The following RALGPS2 variants were observed in gnomAD, a reference collection of about 807,000 sequenced individuals.
The protein encoded by RALGPS2 is ras-specific guanine nucleotide-releasing factor RalGPS2.
A neutral mutation model predicts 86.8 loss-of-function variants in RALGPS2; 43 were observed. The observed-to-expected ratio is 0.50, with a 90% CI of 0.39 to 0.64. RALGPS2 has a LOEUF of 0.64. RALGPS2 is among the 30% of genes least tolerant of loss of function. The pLI is 0.00. For synonymous variants in RALGPS2, 243 were observed against 231.3 expected (o/e 1.05, Z -0.46); for missense variants, 536 against 694.6 (o/e 0.77, Z 2.57).
chr1:178,840,274 A>G (rs144689390), intron 8 of RALGPS2, among the ~76,000 whole-genome samples: 36 of 152,368 alleles, frequency 2.4e-4, no homozygotes, highest in African/African-American at 8.2e-4. Flanking sequence ...CAGCAAATGT[A>G]AAAGAACATA....
chr1:178,745,211 A>C (rs1364603097), intron 1 of RALGPS2, among the ~76,000 whole-genome samples: 1 of 152,186 alleles, frequency 6.6e-6, no homozygotes, highest in Non-Finnish European at 1.5e-5. Context: ...ATGTGATTCC[A>C]GTCAAAATGC....
chr1:178,791,665 T>C (rs907466132), intron 4 of RALGPS2, among the ~76,000 whole-genome samples: 2 of 152,206 alleles, frequency 1.3e-5, no homozygotes, highest in Non-Finnish European at 2.9e-5. Flanking sequence ...ACTCCTGATT[T>C]AATTTCCTAA....
At position 178,817,033 on chromosome 1, in the gene RALGPS2, G is replaced by A. The variant is rs116241112; in HGVS notation, c.388-4579G>A. Among the ~76,000 whole-genome samples the A allele has an allele frequency of 6.1e-3, 919 of 151,888 alleles. 9 individuals carry two copies. The highest frequency in any genetic ancestry group is 0.021 in the African/African-American group (878 of 41,406). ...AAATTAATTTTTGTGTCTGGTGGAA[G>A]GTGTAGGAGTTAAGGTTCATTTTTT... On this transcript the variant is annotated intron_variant, in intron 6 of 19. Transcript: ENST00000367635.
chr1:178,802,895 C>T (rs546338331), intron 4 of RALGPS2, among the ~76,000 whole-genome samples: 1 of 152,160 alleles, frequency 6.6e-6, no homozygotes, highest in South Asian at 2.1e-4. Flanking sequence ...TTTTTCGATA[C>T]TCCAAGCCAT....
chr1:178,731,325 C>T (rs1250323606), intron 1 of RALGPS2, among the ~76,000 whole-genome samples: 1 of 130,224 alleles, frequency 7.7e-6, no homozygotes, highest in Non-Finnish European at 1.6e-5. Flanking sequence ...CTCTGTCCCC[C>T]AGGCTGGAGA....
intron 7 of RALGPS2, among the ~76,000 whole-genome samples, chr1:178,824,818 G>GA (rs958245356): frequency 1.3e-4 from 16 of 124,232 alleles, no homozygotes; most frequent in South Asian, 5.0e-4. Flanking sequence ...CAAAAAAAAA[G>GA]AAAAAAAAAG....
Position 178,892,254 on chromosome 1 carries a change from C to T in RALGPS2, c.1272C>T (p.Gly424=), listed in dbSNP as rs1659744662. 1 of 1,612,636 alleles carries T rather than the reference C, an allele frequency of 6.2e-7. No individual in the cohort carries two copies. The highest frequency in any genetic ancestry group is 8.5e-7 in the Non-Finnish European group (1 of 1,179,048). The change falls in exon 15 of 20, where the codon GGC becomes GGT. Residue 424 remains glycine, a synonymous_variant. Transcript: ENST00000367635. ...GGAACAGATTATACCATTCTCTCGG[C>T]CCGGTGACAAGAGTGGCACGAAATG... ...FERNRLYHSL[G]PVTRVARNGY... is the part of the protein sequence containing the mutation.
intron 1 of RALGPS2, among the ~76,000 whole-genome samples, chr1:178,735,601 CTTTT>C (rs1299543356): frequency 2.4e-5 from 1 of 41,376 alleles, no homozygotes. Flanking sequence ...TTTTTGTATT[CTTTT>C]TTTTTTTTTT....
At chr1:178,776,568 A>G (rs1653095809) in intron 1 of RALGPS2, 114 bp from the exon 2 acceptor site, 1 of 442,668 alleles carries the variant, frequency 2.3e-6, no homozygotes. Flanking sequence ...AGCTAAGATA[A>G]TAAATAGAGT....
At chr1:178,761,389 A>G (rs570345343) in intron 1 of RALGPS2, among the ~76,000 whole-genome samples, 206 of 151,484 alleles carry the variant, frequency 1.4e-3, no homozygotes, top group Non-Finnish European at 1.3e-3. Context: ...AGATCGAGCC[A>G]CTGCATTCCA....
chr1:178,774,131 T>G (rs1222665783), intron 1 of RALGPS2, among the ~76,000 whole-genome samples: 1 of 151,862 alleles, frequency 6.6e-6, no homozygotes, highest in African/African-American at 2.4e-5. Context: ...CAAAATTAGC[T>G]GGGTGTGGTG....
At chr1:178,881,493 A>G (rs915543285) in intron 10 of RALGPS2, among the ~76,000 whole-genome samples, 2 of 152,170 alleles carry the variant, frequency 1.3e-5, no homozygotes, top group African/African-American at 2.4e-5. Flanking sequence ...TCTGTTTCCC[A>G]GTTTGGAGGG....
At chr1:178,782,786 G>A (rs1462451011) in intron 2 of RALGPS2, among the ~76,000 whole-genome samples, 1 of 151,870 alleles carries the variant, frequency 6.6e-6, no homozygotes, top group Non-Finnish European at 1.5e-5. Context: ...AGACAACAGA[G>A]GATAAAAAAA....
In RALGPS2 at chr1:178,889,676, C is replaced by T. The variant is rs1383919735; in HGVS notation, c.1227C>T (p.Thr409=). 4 of 1,606,486 alleles carry T rather than the reference C, an allele frequency of 2.5e-6. No homozygotes were observed. The highest frequency in any genetic ancestry group is 1.3e-5 in the African/African-American group (1 of 74,496). The change falls in exon 14 of 20, where the codon ACC becomes ACT. Residue 409 remains threonine, a synonymous_variant. Transcript: ENST00000367635. The stretch of plus-strand genomic sequence containing the variant: ...ATGGTTCTGAACTAAGTGAAGAGAC[C>T]TCATGGCCTGCTTTTGAAAGGTAAG... ...SSDGSELSEE[T]SWPAFERNRL...
At chr1:178,725,591 TG>T (rs1489527169) in intron 1 of RALGPS2, 172 bp downstream of exon 1, 3 of 151,398 alleles carry the variant, frequency 2.0e-5, no homozygotes, top group African/African-American at 7.3e-5. Flanking sequence ...GCTGCGGAGC[TG>T]GGGCTGAGGC....
intron 1 of RALGPS2, among the ~76,000 whole-genome samples, chr1:178,745,791 A>G (rs1651281021): frequency 6.6e-6 from 1 of 151,896 alleles, no homozygotes; most frequent in Non-Finnish European, 1.5e-5. Context: ...TCAAATTGAA[A>G]ATGTGCTATT....
intron 12 of RALGPS2, 120 bp downstream of exon 12, chr1:178,885,331 G>T: frequency 1.0e-6 from 1 of 963,070 alleles, no homozygotes; most frequent in South Asian, 2.3e-5. Flanking sequence ...CTTAATAGCT[G>T]TTTTCTGATT....
At chr1:178,871,092 A>AT in intron 8 of RALGPS2, 1 of 152,220 alleles carries the variant, frequency 6.6e-6, no homozygotes, top group Admixed American at 6.6e-5. Flanking sequence ...CTGAATAGTG[A>AT]TTCCCTCTTT....
intron 4 of RALGPS2, among the ~76,000 whole-genome samples, chr1:178,800,772 A>G (rs748315462): frequency 2.4e-4 from 36 of 152,204 alleles, no homozygotes; most frequent in Non-Finnish European, 4.0e-4. Flanking sequence ...TTAAGGGTCA[A>G]CTGTATTTAC....
Sources: allele counts gnomAD v4.1 joint callset (sites outside exome capture counted in the v4.1 genomes callset), GRCh38; gene constraint gnomAD v4.1.1; transcripts MANE v1.5; gene names NCBI Gene and HGNC (gene_info 2026-07-23, HGNC 2026-07-21).